Variants in FSD2 observed in about 807,000 individuals in gnomAD.
FSD2 encodes the protein fibronectin type III and SPRY domain containing 2, also known as fibronectin type III and SPRY domain-containing protein 2.
A neutral mutation model predicts 80.4 loss-of-function variants in FSD2; 71 were observed. The ratio of observed to expected loss-of-function variants is 0.88; its 90% CI spans 0.73 to 1.08. FSD2 has a LOEUF of 1.08. FSD2 is among the 50% of genes least tolerant of loss of function. The pLI, the probability that FSD2 is intolerant of heterozygous loss-of-function variation, is 0.00. For synonymous variants in FSD2, 361 were observed against 329.5 expected (o/e 1.10, Z -1.03); for missense variants, 923 against 913.8 (o/e 1.01, Z -0.13).
chr15:82,791,207 C>T (rs1461784623), intron 1 of FSD2, among the ~76,000 whole-genome samples: 3 of 151,640 alleles, frequency 2.0e-5, no homozygotes, highest in Non-Finnish European at 2.9e-5. Flanking sequence ...ACCGTGTTAG[C>T]CAGGATGGTC....
In FSD2 at chr15:82,772,093, G is replaced by C. The variant is rs576560959; in HGVS notation, c.1247C>G (p.Ser416Ter). 43 of 1,585,324 alleles carry C rather than the reference G, an allele frequency of 2.7e-5. No individual in the cohort carries two copies. In the South Asian group the frequency reaches 4.9e-4, roughly 18 times the overall value. ...CTCACCTGCTTGGTCCGTCCCAGGT[G>C]AGCTGTCCTGCACTGGCCGGTAGGA... ...QLSYRPVQDS[S>*]PGTDQAEFTV... Residue 416 changes from serine (S) to a stop codon, truncating the protein, a stop_gained, in exon 7 of 13, where the codon TCA becomes TGA. Coordinates refer to ENST00000334574, the MANE Select transcript of FSD2 (RefSeq NM_001007122.4). LOFTEE classifies it high-confidence loss of function.
Position 82,792,991 on chromosome 15 carries a change from A to G in FSD2, c.-78-5523T>C, listed in dbSNP as rs147684153. On this transcript the variant is annotated intron_variant, in intron 1 of 12. Transcript: ENST00000334574. ...TGTTCCTATTCTTCTATTTTTTGGAACAGTATGTGAAGAATTGTTATTAAT... is the reference window on the plus strand; with the variant it reads ...TGTTCCTATTCTTCTATTTTTTGGAGCAGTATGTGAAGAATTGTTATTAAT... Among the ~76,000 whole-genome samples the G allele has an allele frequency of 6.0e-3, 916 of 152,284 alleles. 10 individuals carry two copies. The highest frequency in any genetic ancestry group is 0.017 in the Middle Eastern group (5 of 294).
At chr15:82,766,385 A>G (rs2049422373) in intron 9 of FSD2, among the ~76,000 whole-genome samples, 1 of 152,154 alleles carries the variant, frequency 6.6e-6, no homozygotes, top group South Asian at 2.1e-4. Context: ...TGTTAGGATC[A>G]TAATGTCTCT....
rs766954708 is a variant in FSD2 at position 82,786,563 on chromosome 15, A to G, written c.683T>C (p.Ile228Thr). The change falls in exon 3 of 13, where the codon ATT (isoleucine) becomes ACT (threonine). Residue 228 changes from isoleucine (I) to threonine (T), a missense_variant. Ile to Thr is a moderately conservative substitution (Grantham distance 89, BLOSUM62 -1). Transcript: ENST00000334574. ...ATGATTTGCAAAGTTTTCCATCTCA[A>G]TTATCTGCTTTTCCAATTTGTACAT... ...KNMYKLEKQI[I>T]EMENFANHLE... 8 of 1,613,704 alleles carry G rather than the reference A, an allele frequency of 5.0e-6. No homozygotes were observed. Among genetic ancestry groups the G allele is most frequent in the Admixed American group, 1.7e-5 (1 of 59,980 alleles).
rs372481543 is a variant in FSD2 at position 82,780,585 on chromosome 15, G to A, written c.967-318C>T. ...CCTGACCTTGTGATTTGCCCACCTC[G>A]GCCTCCCAAAGTGCTAGGGTTACAG... On this transcript the variant is annotated intron_variant, in intron 4 of 12. Coordinates refer to ENST00000334574, the MANE Select transcript of FSD2 (RefSeq NM_001007122.4). 3.1e-4 allele frequency among the ~76,000 whole-genome samples: 47 copies of A among 151,688 alleles called. No homozygotes were observed. The East Asian group carries it at 7.7e-3, about 25-fold the overall frequency.
At chr15:82,778,162 A>T (rs2049768635) in intron 6 of FSD2, among the ~76,000 whole-genome samples, 1 of 140,112 alleles carries the variant, frequency 7.1e-6, no homozygotes, top group African/African-American at 2.7e-5. Context: ...ATATATAATA[A>T]CTATTACATG....
rs1567294214 is a variant in FSD2 at position 82,757,688 on chromosome 15, A to G, written c.*1660T>C. 1 of 152,086 alleles carries G rather than the reference A, an allele frequency of 6.6e-6. No individual in the cohort carries two copies. The allele number at this position is 152,086 out of a possible 1,614,324, so 9.4% of individuals were successfully genotyped here. On this transcript the variant is annotated 3_prime_UTR_variant, in exon 13 of 13. Coordinates refer to ENST00000334574, the MANE Select transcript of FSD2 (RefSeq NM_001007122.4). Reference sequence around the variant, plus strand: ...CTTTTAATTGTTTATAACTGGAACTATTTCTGTGCTTACATCTGCTGTCCC... The same window carrying G: ...CTTTTAATTGTTTATAACTGGAACTGTTTCTGTGCTTACATCTGCTGTCCC...
intron 12 of FSD2, among the ~76,000 whole-genome samples, chr15:82,761,015 A>C (rs553398067): frequency 6.6e-6 from 1 of 152,326 alleles, no homozygotes; most frequent in South Asian, 2.1e-4. Flanking sequence ...TATCTGCCTC[A>C]GTGTATAGTA....
At chr15:82,791,033 T>C (rs562084086) in intron 1 of FSD2, among the ~76,000 whole-genome samples, 47 of 151,090 alleles carry the variant, frequency 3.1e-4, no homozygotes, top group African/African-American at 9.5e-4. Context: ...GAGTCTCGCT[T>C]TGTCACCCAG....
intron 8 of FSD2, 88 bp from the exon 9 acceptor site, chr15:82,769,118 C>T: frequency 8.5e-7 from 1 of 1,176,898 alleles, no homozygotes; most frequent in Non-Finnish European, 1.1e-6. Flanking sequence ...ATCACAGCCA[C>T]CTTCTTCCTC....
rs988238962 is a variant in FSD2, at chr15:82,759,267, G to A, written c.*81C>T. On this transcript the variant is annotated 3_prime_UTR_variant, in exon 13 of 13. Transcript: ENST00000334574. ...ATTGTGCTGGGCACATGGTGCTTAA[G>A]TGCCAGGTTCAGCCAGCTAAGGCGT... 29 of 1,469,194 alleles carry A rather than the reference G, an allele frequency of 2.0e-5. No homozygotes were observed. The Admixed American group carries it at 4.4e-4, about 22-fold the overall frequency. 91.0% of individuals were successfully genotyped at this position (1,469,194 alleles called of 1,614,324 possible). A position where few individuals can be genotyped will look rare whatever the true frequency, so the allele number is the denominator to read the frequency against.
chr15:82,772,079 G>C lies in FSD2; in HGVS notation c.1261C>G (p.Gln421Glu), dbSNP rs374138290. ...PVQDSSPGTD[Q>E]AEFTVTVKET... Reference sequence around the variant, plus strand: ...GTTCCTGGCAGAGCCTCACCTGCTTGGTCCGTCCCAGGTGAGCTGTCCTGC... The same window carrying C: ...GTTCCTGGCAGAGCCTCACCTGCTTCGTCCGTCCCAGGTGAGCTGTCCTGC... The change falls in exon 7 of 13, where the codon CAA becomes GAA. Residue 421 changes from glutamine (Q) to glutamate (E), a missense_variant. Transcript: ENST00000334574. 154 of 1,565,664 alleles carry C rather than the reference G, an allele frequency of 9.8e-5. No homozygotes were observed. Among genetic ancestry groups the C allele is most frequent in the African/African-American group, 2.7e-4 (20 of 72,804 alleles).
At chr15:82,768,217 C>T (rs2049468857) in intron 9 of FSD2, among the ~76,000 whole-genome samples, 1 of 152,202 alleles carries the variant, frequency 6.6e-6, no homozygotes, top group Admixed American at 6.5e-5. Context: ...TTCACCCTCA[C>T]CTCTCTGAAT....
intron 4 of FSD2, among the ~76,000 whole-genome samples, chr15:82,781,029 C>A (rs2049844229): frequency 6.6e-6 from 1 of 152,170 alleles, no homozygotes; most frequent in South Asian, 2.1e-4. Flanking sequence ...GAGCTAGACC[C>A]TGTCTCAAAA....
chr15:82,780,457 C>T (rs1355157868), intron 4 of FSD2, among the ~76,000 whole-genome samples, 190 bp from the exon 5 acceptor site: 1 of 151,574 alleles, frequency 6.6e-6, no homozygotes, highest in African/African-American at 2.4e-5. Flanking sequence ...GCCTCAGCCT[C>T]CCAAGTAGCT....
At chr15:82,761,740 T>TCCAGGGCTCAAACAATA (rs2049301369) in intron 12 of FSD2, among the ~76,000 whole-genome samples, 1 of 151,674 alleles carries the variant, frequency 6.6e-6, no homozygotes, top group African/African-American at 2.4e-5. Flanking sequence ...GGCTTTGAAG[T>TCCAGGGCTCAAACAATA]CCAGGGCTCA....
chr15:82,799,204 A>G (rs1165034164), intron 1 of FSD2, among the ~76,000 whole-genome samples: 2 of 152,032 alleles, frequency 1.3e-5, no homozygotes, highest in Non-Finnish European at 2.9e-5. Context: ...CCCTTTTAAT[A>G]TAACATTTTC....
Position 82,778,853 on chromosome 15 carries a change from C to G in FSD2, c.1024G>C (p.Glu342Gln). The change falls in exon 6 of 13, where the codon GAA becomes CAA. Residue 342 changes from glutamate (E) to glutamine (Q), a missense_variant. Glu to Gln is a conservative substitution (Grantham distance 29). Transcript: ENST00000334574. Reference sequence around the variant, plus strand: ...TCAAACTCAGGCTGTGCAGAGATTTCCACGTCTGTTTTTGTTTTCAGGAAT... The same window carrying G: ...TCAAACTCAGGCTGTGCAGAGATTTGCACGTCTGTTTTTGTTTTCAGGAAT... Reference protein sequence around the residue: ...GKFLKTKTDVEISAQPEFEDQ... With the variant: ...GKFLKTKTDVQISAQPEFEDQ... 6.2e-7 allele frequency: 1 copy of G among 1,613,886 alleles called. No individual in the cohort carries two copies. The highest frequency in any genetic ancestry group is 2.2e-5 in the East Asian group (1 of 44,876).
chr15:82,766,685 T>A lies in FSD2; in HGVS notation c.1554-654A>T, dbSNP rs566138415. 6.3e-5 allele frequency among the ~76,000 whole-genome samples: 9 copies of A among 143,334 alleles called. 1 individual carries two copies. In the East Asian group the frequency reaches 1.9e-3, roughly 30 times the overall value. 94.0% of individuals were successfully genotyped at this position (143,334 alleles called of 152,430 possible). A position where few individuals can be genotyped will look rare whatever the true frequency, so the allele number is the denominator to read the frequency against. On this transcript the variant is annotated intron_variant, in intron 9 of 12. Transcript: ENST00000334574. ...TGAACCTGGGAGTTGGAGGTTGCAGTGAACCGAGATCATCACGCCACTGCA... is the reference window on the plus strand; with the variant it reads ...TGAACCTGGGAGTTGGAGGTTGCAGAGAACCGAGATCATCACGCCACTGCA...
Sources: gnomAD v4.1 joint callset for allele counts (sites outside exome capture counted in the v4.1 genomes callset) on GRCh38, gnomAD v4.1.1 for gene constraint, MANE v1.5 for transcripts, NCBI Gene and HGNC (gene_info 2026-07-23, HGNC 2026-07-21) for gene names.